The following FSTL4 variants were observed in gnomAD, a reference collection of about 807,000 sequenced individuals.
FSTL4 encodes follistatin like 4, also known as follistatin-related protein 4.
A neutral mutation model predicts 78.2 loss-of-function variants in FSTL4; 28 were observed. The observed-to-expected ratio is 0.36, with a 90% confidence interval of 0.27 to 0.49. The LOEUF (loss-of-function observed/expected upper bound fraction) is 0.49, where lower values mean the gene tolerates loss of function less well. FSTL4 is among the 20% of genes least tolerant of loss of function. The probability of loss-of-function intolerance (pLI) is 0.98; values close to 1 mark genes in which losing one functional copy is unlikely to be tolerated. For missense variants in FSTL4, 922 were observed against 1,084.9 expected (o/e 0.85, Z 2.11); for synonymous variants, 422 against 440.5 (o/e 0.96, Z 0.53).
chr5:133,821,334 G>A, the FSTL4 span, among the ~76,000 whole-genome samples: 1 of 152,212 alleles, frequency 6.6e-6, no homozygotes, highest in Non-Finnish European at 1.5e-5. Context: ...CATCAAGGAT[G>A]AAAGAGACAG....
intron 4 of FSTL4, among the ~76,000 whole-genome samples, chr5:133,394,470 C>A (rs890779267): frequency 6.6e-6 from 1 of 152,240 alleles, no homozygotes; most frequent in Non-Finnish European, 1.5e-5. Flanking sequence ...CACCACTGGC[C>A]CCGGACAGCG....
the FSTL4 span, among the ~76,000 whole-genome samples, chr5:133,767,490 C>T: frequency 2.0e-4 from 30 of 152,112 alleles, no homozygotes; most frequent in African/African-American, 6.5e-4. Flanking sequence ...TTGTGGAGAG[C>T]CTTGAATGCA....
chr5:133,751,970 G>A, the FSTL4 span, among the ~76,000 whole-genome samples: 416 of 152,256 alleles, frequency 2.7e-3, 3 homozygotes, highest in African/African-American at 9.6e-3. Context: ...CTTCTCCACC[G>A]TCTCTGCTGC....
At chr5:133,259,442 T>TAG (rs1752461211) in intron 6 of FSTL4, among the ~76,000 whole-genome samples, 1 of 151,388 alleles carries the variant, frequency 6.6e-6, no homozygotes, top group African/African-American at 2.4e-5. Context: ...AATAGCTAGT[T>TAG]AGAGCAGGCA....
chr5:133,394,804 G>A (rs1580676962), intron 4 of FSTL4, among the ~76,000 whole-genome samples: 1 of 152,260 alleles, frequency 6.6e-6, no homozygotes, highest in African/African-American at 2.4e-5. Flanking sequence ...GGTGAAGCCA[G>A]CTGGGCTCCT....
intron 6 of FSTL4, among the ~76,000 whole-genome samples, chr5:133,274,410 TA>T (rs1265448027): frequency 2.0e-5 from 1 of 50,766 alleles, no homozygotes; most frequent in African/African-American, 9.9e-5. Context: ...AGAACAGCAA[TA>T]AAAAAGGAAA....
intron 3 of FSTL4, among the ~76,000 whole-genome samples, chr5:133,531,793 A>G (rs1240876027): frequency 6.6e-6 from 1 of 152,230 alleles, no homozygotes; most frequent in African/African-American, 2.4e-5. Flanking sequence ...CAAAGGAACC[A>G]TACTGAAAGC....
chr5:133,750,909 G>A, the FSTL4 span, among the ~76,000 whole-genome samples: 10 of 152,018 alleles, frequency 6.6e-5, no homozygotes, highest in Non-Finnish European at 1.2e-4. Flanking sequence ...CCCTGAGAAC[G>A]CATCCCTCCC....
the FSTL4 span, among the ~76,000 whole-genome samples, chr5:133,763,586 C>T: frequency 6.6e-6 from 1 of 152,196 alleles, no homozygotes; most frequent in African/African-American, 2.4e-5. Flanking sequence ...AGACCCATAG[C>T]CCAGACAGCA....
chr5:133,784,146 AT>A, the FSTL4 span, among the ~76,000 whole-genome samples: 2 of 152,218 alleles, frequency 1.3e-5, no homozygotes, highest in South Asian at 4.1e-4. Context: ...GAAGCTTTAG[AT>A]AAATGTTAGC....
the FSTL4 span, among the ~76,000 whole-genome samples, chr5:133,827,743 G>T: frequency 2.6e-5 from 4 of 151,612 alleles, no homozygotes; most frequent in East Asian, 5.9e-4. Flanking sequence ...TGCACACAAG[G>T]CTGGTCACAC....
the FSTL4 span, among the ~76,000 whole-genome samples, chr5:133,620,716 C>T: frequency 6.6e-6 from 1 of 152,282 alleles, no homozygotes; most frequent in East Asian, 1.9e-4. Flanking sequence ...TCCTCATCTG[C>T]CTTCCTCCAC....
chr5:133,781,735 A>T, the FSTL4 span, among the ~76,000 whole-genome samples: 2 of 152,190 alleles, frequency 1.3e-5, no homozygotes, highest in Non-Finnish European at 2.9e-5. Flanking sequence ...CACAATCAGC[A>T]TGCCCACCTC....
the FSTL4 span, among the ~76,000 whole-genome samples, chr5:133,629,234 T>C: frequency 6.6e-6 from 1 of 152,086 alleles, no homozygotes; most frequent in Non-Finnish European, 1.5e-5. Flanking sequence ...GATAATCATG[T>C]GGTTTTTGTC....
upstream of FSTL4, among the ~76,000 whole-genome samples, chr5:133,613,151 C>T (rs183243433): frequency 6.6e-6 from 1 of 152,344 alleles, no homozygotes; most frequent in East Asian, 1.9e-4. Context: ...CCATCCTGAT[C>T]CCATCCCCAA....
intron 2 of FSTL4, among the ~76,000 whole-genome samples, chr5:133,599,649 A>G (rs921575896): frequency 1.3e-5 from 2 of 152,230 alleles, no homozygotes. Context: ...TGAAAGACGT[A>G]TAAGACCATG....
intron 3 of FSTL4, among the ~76,000 whole-genome samples, chr5:133,431,484 G>T (rs145448512): frequency 6.6e-6 from 1 of 152,172 alleles, no homozygotes; most frequent in South Asian, 2.1e-4. Context: ...AGGAGAGACC[G>T]GGAGGAGATA....
At chr5:133,567,725 G>A (rs137972029) in intron 2 of FSTL4, among the ~76,000 whole-genome samples, 1 of 152,232 alleles carries the variant, frequency 6.6e-6, no homozygotes, top group East Asian at 1.9e-4. Flanking sequence ...TTTCCAAAGG[G>A]TGAGATCCTA....
intron 4 of FSTL4, among the ~76,000 whole-genome samples, chr5:133,388,297 G>T (rs543228610): frequency 1.9e-4 from 29 of 152,196 alleles, no homozygotes; most frequent in Admixed American, 5.9e-4. Flanking sequence ...TTGAACCCTT[G>T]CCCAGCAGAA....
Sources: gnomAD v4.1 joint callset for allele counts (sites outside exome capture counted in the v4.1 genomes callset) on GRCh38, gnomAD v4.1.1 for gene constraint, MANE v1.5 for transcripts, NCBI Gene and HGNC (gene_info 2026-07-23, HGNC 2026-07-21) for gene names.